Variants in RHOU observed in about 807,000 individuals in gnomAD.
RHOU encodes the protein ras homolog family member U.
In RHOU, 8 loss-of-function variants were observed where a neutral mutation model predicts 12.6. The observed-to-expected ratio is 0.64, with a 90% CI of 0.37 to 1.15. The LOEUF is 1.15. Among genes scored for constraint, RHOU ranks in the 50% most tolerant of loss-of-function variants. The pLI is 0.01. For synonymous variants in RHOU, 161 were observed against 147.4 expected (o/e 1.09, Z -0.67); for missense variants, 258 against 347.0 (o/e 0.74, Z 2.04).
the RHOU span, among the ~76,000 whole-genome samples, chr1:228,703,604 T>G: frequency 6.6e-6 from 1 of 152,094 alleles, no homozygotes; most frequent in Non-Finnish European, 1.5e-5. Context: ...GTTTAATAGG[T>G]GGTCTTCTTA....
At chr1:228,649,160 C>T in the RHOU span, among the ~76,000 whole-genome samples, 30,059 of 152,146 alleles carry the variant, frequency 0.2, 3,226 homozygotes, top group East Asian at 0.36. Flanking sequence ...CCACTGTGCC[C>T]ACCAGCTTTT....
intron 1 of RHOU, among the ~76,000 whole-genome samples, chr1:228,736,672 T>TA (rs1200920815): frequency 6.6e-6 from 1 of 152,214 alleles, no homozygotes; most frequent in African/African-American, 2.4e-5. Context: ...AGGATCCCTT[T>TA]AAGCTACTTA....
the RHOU span, among the ~76,000 whole-genome samples, chr1:228,666,860 C>T: frequency 7.9e-5 from 12 of 152,142 alleles, no homozygotes; most frequent in African/African-American, 2.9e-4. Context: ...AAAAGCCCTC[C>T]CAGAGATTTC....
chr1:228,650,520 C>T, the RHOU span: 13 of 456,486 alleles, frequency 2.8e-5, no homozygotes, highest in Non-Finnish European at 5.7e-5. Context: ...GGAGCTGCCA[C>T]GGGCAGAAGC....
At position 228,738,791 on chromosome 1, in the gene RHOU, C is replaced by G. The variant is rs1292149882; in HGVS notation, c.321+1060C>G. The stretch of plus-strand genomic sequence containing the variant: ...TGCAGGCCATAGCTTGGGAGCACTT[C>G]AGCTTGGAAAAACCAAGCACTGTCC... On this transcript the variant is annotated intron_variant, in intron 2 of 2. Transcript: ENST00000366691. This position sits in a 1 kb window ranked among gnomAD's most constrained non-coding sequence, Gnocchi z 4.2. Among the ~76,000 whole-genome samples, 1 of 152,170 alleles carries G rather than the reference C, an allele frequency of 6.6e-6. No individual in the cohort carries two copies. Among genetic ancestry groups the G allele is most frequent in the Non-Finnish European group, 1.5e-5 (1 of 68,040 alleles).
the RHOU span, among the ~76,000 whole-genome samples, chr1:228,723,072 A>T: frequency 6.6e-6 from 1 of 152,018 alleles, no homozygotes; most frequent in Non-Finnish European, 1.5e-5. Context: ...CCCTCTCCCT[A>T]GTTATCTCTT....
chr1:228,648,019 G>C, the RHOU span: 1 of 152,260 alleles, frequency 6.6e-6, no homozygotes, highest in African/African-American at 2.4e-5. Context: ...CTTCGGGGTG[G>C]TATGGCCTTA....
At chr1:228,647,922 T>G in the RHOU span, 1 of 152,332 alleles carries the variant, frequency 6.6e-6, no homozygotes, top group South Asian at 2.1e-4. Flanking sequence ...AGCCTGCGTC[T>G]CCTGGTTTTC....
At chr1:228,710,666 T>G in the RHOU span, among the ~76,000 whole-genome samples, 1 of 150,780 alleles carries the variant, frequency 6.6e-6, no homozygotes, top group African/African-American at 2.4e-5. Flanking sequence ...TATCTCAAAA[T>G]AATAAGAGCT....
the RHOU span, among the ~76,000 whole-genome samples, chr1:228,719,897 A>C: frequency 6.6e-6 from 1 of 152,196 alleles, no homozygotes; most frequent in Non-Finnish European, 1.5e-5. Context: ...TCTTTTGAGA[A>C]TACTATCATT....
At chr1:228,669,756 A>G in the RHOU span, among the ~76,000 whole-genome samples, 1 of 152,224 alleles carries the variant, frequency 6.6e-6, no homozygotes, top group Non-Finnish European at 1.5e-5. Context: ...GGAGAAGAGT[A>G]TAATTTCCTA....
At position 228,743,201 on chromosome 1, in the gene RHOU, C is replaced by T. The variant is rs1312999549; in HGVS notation, c.322-84C>T. 4.0e-6 allele frequency: 5 copies of T among 1,247,618 alleles called. No individual in the cohort carries two copies. Among genetic ancestry groups the T allele is most frequent in the Non-Finnish European group, 5.8e-6 (5 of 865,006 alleles). The allele number at this position is 1,247,618 out of a possible 1,614,324, so 77.3% of individuals were successfully genotyped here. A position where few individuals can be genotyped will look rare whatever the true frequency, so the allele number is the denominator to read the frequency against. ...GCGGGTCTTCTATCACCTGCCAGAC[C>T]CTTTCATGAAAAATGTGAAGGTGAT... On this transcript the variant is annotated intron_variant, in intron 2 of 2. Transcript: ENST00000366691. This position sits in a 1 kb window ranked among gnomAD's most constrained non-coding sequence, Gnocchi z 5.1.
Position 228,743,139 on chromosome 1 carries a change from A to G in RHOU, c.322-146A>G, listed in dbSNP as rs886160072. 4.2e-5 allele frequency: 33 copies of G among 786,802 alleles called. No homozygotes were observed. The African/African-American group carries it at 4.8e-4, about 12-fold the overall frequency. The allele number at this position is 786,802 out of a possible 1,614,324, so 48.7% of individuals were successfully genotyped here. A position where few individuals can be genotyped will look rare whatever the true frequency, so the allele number is the denominator to read the frequency against. On this transcript the variant is annotated intron_variant, in intron 2 of 2. Transcript: ENST00000366691. The surrounding 1 kb of genome is among the most constrained non-coding windows in gnomAD (Gnocchi z 5.1). ...TGGCCCCGCTTGGGTAAACAGTAGG[A>G]TCGTTTCAAGGATGCTGGCTCTTCC... is the stretch of plus-strand genomic sequence containing the variant.
the RHOU span, among the ~76,000 whole-genome samples, chr1:228,707,208 TATATATATAC>T: frequency 2.0e-5 from 2 of 99,366 alleles, no homozygotes; most frequent in African/African-American, 1.1e-4. Context: ...TATATATACA[TATATATATAC>T]ATATATATAT....
chr1:228,735,779 C>A lies in RHOU; in HGVS notation c.37C>A (p.Arg13Ser), dbSNP rs1662590455. 1.2e-5 allele frequency: 14 copies of A among 1,213,098 alleles called. No individual in the cohort carries two copies. The South Asian group carries it at 4.9e-4, about 43-fold the overall frequency. The allele number at this position is 1,213,098 out of a possible 1,614,324, so 75.1% of individuals were successfully genotyped here. ...PQQGDPAFPDRCEAPPVPPRR... is the reference protein window; with the variant it reads ...PQQGDPAFPDSCEAPPVPPRR... The stretch of plus-strand genomic sequence containing the variant: ...GCAGGGGGACCCCGCGTTCCCCGAC[C>A]GCTGCGAGGCGCCTCCGGTGCCGCC... The change falls in exon 1 of 3, where the codon CGC becomes AGC. Residue 13 changes from arginine (R) to serine (S), a missense_variant. By Grantham distance (110) the Arg-to-Ser change is moderately radical. Transcript: ENST00000366691. The surrounding 1 kb of genome is among the most constrained non-coding windows in gnomAD (Gnocchi z 8.1).
chr1:228,666,144 G>A, the RHOU span, among the ~76,000 whole-genome samples: 14 of 152,152 alleles, frequency 9.2e-5, no homozygotes, highest in East Asian at 2.7e-3. Flanking sequence ...ATTTTTAGTA[G>A]AAACAGGGTT....
chr1:228,687,910 C>A, the RHOU span: 1 of 752,018 alleles, frequency 1.3e-6, no homozygotes, highest in East Asian at 2.5e-5. Context: ...TTGTTCTCCC[C>A]CTCTCCCTCC....
At chr1:228,697,037 C>T in the RHOU span, among the ~76,000 whole-genome samples, 1 of 152,168 alleles carries the variant, frequency 6.6e-6, no homozygotes, top group Non-Finnish European at 1.5e-5. Flanking sequence ...CCAGATCTGA[C>T]TAGATGGTTT....
chr1:228,732,670 G>C (rs1478376600), upstream of RHOU, among the ~76,000 whole-genome samples: 1 of 151,932 alleles, frequency 6.6e-6, no homozygotes, highest in African/African-American at 2.4e-5. Flanking sequence ...AGAAAAACGG[G>C]CCCAAATGAG....
Sources: allele counts gnomAD v4.1 joint callset (sites outside exome capture counted in the v4.1 genomes callset), GRCh38; gene constraint gnomAD v4.1.1; non-coding constraint Gnocchi (gnomAD v3.1); transcripts MANE v1.5; gene names NCBI Gene and HGNC (gene_info 2026-07-23, HGNC 2026-07-21).